GABRG3: variants seen among roughly 807,000 people sequenced by gnomAD.
The protein encoded by GABRG3 is gamma-aminobutyric acid type A receptor subunit gamma3.
In GABRG3, 25 loss-of-function variants were observed where a neutral mutation model predicts 48.8. That is an observed-to-expected ratio of 0.51 (90% CI 0.37 to 0.72). GABRG3 has a LOEUF of 0.72. GABRG3 is among the 30% of genes least tolerant of loss of function. The probability of loss-of-function intolerance (pLI) is 0.00; values close to 1 mark genes in which losing one functional copy is unlikely to be tolerated. For missense variants in GABRG3, 394 were observed against 577.9 expected, an observed-to-expected ratio of 0.68 and a Z score of 3.26; for synonymous variants, 227 against 217.6, an observed-to-expected ratio of 1.04 and a Z score of -0.38.
At chr15:27,532,427 CAA>C (rs374534463) in intron 9 of GABRG3, among the ~76,000 whole-genome samples, 171 bp from the exon 10 acceptor site, 29 of 74,632 alleles carry the variant, frequency 3.9e-4, no homozygotes, top group Non-Finnish European at 3.1e-4. Flanking sequence ...TCCTTAAAAC[CAA>C]AAAAAAAAAA....
At chr15:27,426,596 T>C (rs1245086145) in intron 5 of GABRG3, among the ~76,000 whole-genome samples, 4 of 152,140 alleles carry the variant, frequency 2.6e-5, no homozygotes, top group Non-Finnish European at 5.9e-5. Flanking sequence ...GTAGATGGCC[T>C]GAGGCTAGGA....
chr15:27,076,166 G>A (rs1219996782), intron 3 of GABRG3, among the ~76,000 whole-genome samples: 1 of 152,114 alleles, frequency 6.6e-6, no homozygotes, highest in Non-Finnish European at 1.5e-5. Flanking sequence ...TTGGTTGACA[G>A]AATGGCAGAA....
intron 3 of GABRG3, among the ~76,000 whole-genome samples, chr15:27,080,117 C>G (rs1484250372): frequency 6.6e-6 from 1 of 152,028 alleles, no homozygotes; most frequent in African/African-American, 2.4e-5. Flanking sequence ...CTCAAGGCTC[C>G]CCAAACCATT....
At chr15:27,350,288 G>T in intron 5 of GABRG3, 1 of 419,430 alleles carries the variant, frequency 2.4e-6, no homozygotes, top group Non-Finnish European at 4.9e-6. Context: ...GGCCCACAGA[G>T]CTGGCTGGTG....
intron 3 of GABRG3, among the ~76,000 whole-genome samples, chr15:27,307,912 TTTA>T (rs1892725745): frequency 7.4e-6 from 1 of 135,174 alleles, no homozygotes; most frequent in Admixed American, 7.7e-5. Context: ...AATAAACATG[TTTA>T]TATATAAACA....
intron 6 of GABRG3, among the ~76,000 whole-genome samples, chr15:27,515,496 G>C (rs567384514): frequency 6.6e-6 from 1 of 152,284 alleles, no homozygotes; most frequent in African/African-American, 2.4e-5. Context: ...TTTTGGCTGA[G>C]CATTGCTTGC....
At chr15:27,383,628 C>T (rs376439611) in intron 5 of GABRG3, among the ~76,000 whole-genome samples, 6 of 152,046 alleles carry the variant, frequency 3.9e-5, no homozygotes, top group South Asian at 2.1e-4. Context: ...TCAAGCCAAC[C>T]GGAACATGGG....
Position 27,313,270 on chromosome 15 carries a change from A to ATATATATATATATATGTG in GABRG3, c.271-13524_271-13523insGTGTATATATATATATAT, listed in dbSNP as rs1595669934. Among the ~76,000 whole-genome samples the ATATATATATATATATGTG allele has an allele frequency of 6.4e-5, 3 of 47,092 alleles. 1 individual carries two copies. The East Asian group carries it at 2.3e-3, about 36-fold the overall frequency. 30.9% of individuals were successfully genotyped at this position (47,092 alleles called of 152,430 possible). A position where few individuals can be genotyped will look rare whatever the true frequency, so the allele number is the denominator to read the frequency against. On this transcript the variant is annotated intron_variant, in intron 3 of 9. Transcript: ENST00000615808. The stretch of plus-strand genomic sequence containing the variant: ...TGTGTGTGTGTGTGTGTGTATATAT[A>ATATATATATATATATGTG]TATATATATATATATATATATATAT...
chr15:27,335,083 G>C (rs1360247698), intron 5 of GABRG3, among the ~76,000 whole-genome samples: 1 of 146,764 alleles, frequency 6.8e-6, no homozygotes, highest in East Asian at 2.0e-4. Context: ...GCAATACTGT[G>C]ATTTGTTTGT....
intron 3 of GABRG3, among the ~76,000 whole-genome samples, chr15:27,195,035 G>A (rs181854690): frequency 1.2e-3 from 180 of 152,210 alleles, no homozygotes; most frequent in African/African-American, 4.3e-3. Flanking sequence ...TCTGTTTTGT[G>A]GCATCCTCAC....
At chr15:27,079,686 A>G (rs1472774672) in intron 3 of GABRG3, among the ~76,000 whole-genome samples, 2 of 152,122 alleles carry the variant, frequency 1.3e-5, no homozygotes, top group African/African-American at 4.8e-5. Context: ...CTATTCATGG[A>G]CAGAATTAAA....
intron 3 of GABRG3, among the ~76,000 whole-genome samples, chr15:27,325,579 C>G (rs757822258): frequency 6.6e-6 from 1 of 152,160 alleles, no homozygotes; most frequent in African/African-American, 2.4e-5. Flanking sequence ...AATACACCAG[C>G]CTTATTTTTG....
intron 3 of GABRG3, among the ~76,000 whole-genome samples, chr15:27,118,469 G>A (rs896838544): frequency 1.3e-5 from 2 of 152,178 alleles, no homozygotes; most frequent in South Asian, 2.1e-4. Context: ...TGACTGAGAC[G>A]TGCCATGGCA....
Position 27,289,151 on chromosome 15 carries a change from A to C in GABRG3, c.271-37658A>C, listed in dbSNP as rs191270717. Among the ~76,000 whole-genome samples the C allele has an allele frequency of 5.3e-4, 81 of 152,190 alleles. 1 individual carries two copies. In the East Asian group the frequency reaches 0.016, roughly 29 times the overall value. Reference sequence around the variant, plus strand: ...GATATACCTAGACAAGATCTTCTTCATATTTGTCTTGCTTAGGTTTCCTGT... The same window carrying C: ...GATATACCTAGACAAGATCTTCTTCCTATTTGTCTTGCTTAGGTTTCCTGT... On this transcript the variant is annotated intron_variant, in intron 3 of 9. Transcript: ENST00000615808.
Position 27,380,788 on chromosome 15 carries a change from GC to G in GABRG3, c.574+51901del, listed in dbSNP as rs563352911. 2.5e-3 allele frequency among the ~76,000 whole-genome samples: 344 copies of G among 140,042 alleles called. 11 individuals are homozygous for G. In the East Asian group the frequency reaches 0.059, roughly 24 times the overall value. The allele number at this position is 140,042 out of a possible 152,430, so 91.9% of individuals were successfully genotyped here. Reference sequence around the variant, plus strand: ...GTTTTTTTTTTTTTTTTTTGAGACAGCGAGTCTCACTCTGTTGCCCAGGCTG... The same window carrying G: ...GTTTTTTTTTTTTTTTTTTGAGACAGGAGTCTCACTCTGTTGCCCAGGCTG... On this transcript the variant is annotated intron_variant, in intron 5 of 9. Coordinates refer to ENST00000615808, the MANE Select transcript of GABRG3 (RefSeq NM_033223.5).
At chr15:27,429,598 C>T (rs1218614535) in intron 5 of GABRG3, among the ~76,000 whole-genome samples, 1 of 152,200 alleles carries the variant, frequency 6.6e-6, no homozygotes, top group African/African-American at 2.4e-5. Flanking sequence ...TTCCCCAGAT[C>T]CTGGCAATCA....
intron 3 of GABRG3, among the ~76,000 whole-genome samples, chr15:27,293,205 T>C (rs1891851674): frequency 6.6e-6 from 1 of 152,064 alleles, no homozygotes; most frequent in South Asian, 2.1e-4. Flanking sequence ...GAGTGTGAGA[T>C]GTAGAGTAAG....
At chr15:27,430,419 C>T (rs1888413927) in intron 5 of GABRG3, among the ~76,000 whole-genome samples, 2 of 152,082 alleles carry the variant, frequency 1.3e-5, no homozygotes, top group Non-Finnish European at 2.9e-5. Flanking sequence ...AATAATTTGA[C>T]CTTTTTTTTC....
intron 5 of GABRG3, among the ~76,000 whole-genome samples, chr15:27,371,361 C>T (rs752589293): frequency 3.9e-5 from 6 of 152,144 alleles, no homozygotes; most frequent in Non-Finnish European, 7.4e-5. Context: ...TAATCTCTTT[C>T]AGCCTTGGTG....
Sources: gnomAD v4.1 joint callset for allele counts (sites outside exome capture counted in the v4.1 genomes callset) on GRCh38, gnomAD v4.1.1 for gene constraint, MANE v1.5 for transcripts, NCBI Gene and HGNC (gene_info 2026-07-23, HGNC 2026-07-21) for gene names.